The following AGMO variants were observed in gnomAD, a reference collection of about 807,000 sequenced individuals.
The protein encoded by AGMO is alkylglycerol monooxygenase.
AGMO carries 75 observed loss-of-function variants against 60.2 expected under a neutral mutation model. The ratio of observed to expected loss-of-function variants is 1.25; its 90% CI spans 1.03 to 1.51. The LOEUF is 1.51. Ranked by LOEUF, AGMO falls within the 40% of genes most tolerant of loss-of-function variation. The probability of loss-of-function intolerance (pLI) is 0.00; values close to 1 mark genes in which losing one functional copy is unlikely to be tolerated. For missense variants in AGMO, 763 were observed against 525.5 expected (o/e 1.45, Z -4.42); for synonymous variants, 261 against 177.1 (o/e 1.47, Z -3.76).
At chr7:15,450,170 C>T (rs1051489647) in intron 3 of AGMO, among the ~76,000 whole-genome samples, 1 of 152,100 alleles carries the variant, frequency 6.6e-6, no homozygotes, top group Admixed American at 6.5e-5. Flanking sequence ...CCTGTAATCC[C>T]AGTGCTTTGG....
At chr7:15,416,593 C>T (rs1780779329) in intron 5 of AGMO, among the ~76,000 whole-genome samples, 1 of 151,984 alleles carries the variant, frequency 6.6e-6, no homozygotes. Flanking sequence ...AGAAGTGAAA[C>T]AATTGTAAGA....
intron 12 of AGMO, among the ~76,000 whole-genome samples, chr7:15,337,518 T>C (rs1372967270): frequency 6.6e-6 from 1 of 152,050 alleles, no homozygotes; most frequent in Non-Finnish European, 1.5e-5. Flanking sequence ...TCTTCCCAGC[T>C]GAGAAAAGGA....
intron 5 of AGMO, among the ~76,000 whole-genome samples, chr7:15,404,685 A>C (rs1163116121): frequency 6.6e-6 from 1 of 151,834 alleles, no homozygotes; most frequent in Non-Finnish European, 1.5e-5. Flanking sequence ...TCCAATCCAC[A>C]GTCTTATGGT....
chr7:15,272,589 T>C (rs1783649333), intron 12 of AGMO, among the ~76,000 whole-genome samples: 1 of 152,152 alleles, frequency 6.6e-6, no homozygotes, highest in South Asian at 2.1e-4. Context: ...ACAATAAATG[T>C]ATGTGTGCAT....
chr7:15,361,843 T>C (rs914477290), intron 12 of AGMO, among the ~76,000 whole-genome samples: 3 of 152,098 alleles, frequency 2.0e-5, no homozygotes, highest in Non-Finnish European at 2.9e-5. Flanking sequence ...ACTTACTAAG[T>C]TTGACTTATA....
intron 12 of AGMO, among the ~76,000 whole-genome samples, chr7:15,250,018 G>A (rs1205424292): frequency 6.6e-6 from 1 of 152,158 alleles, no homozygotes; most frequent in African/African-American, 2.4e-5. Context: ...CCAGCTAGTA[G>A]ACAAGTGATT....
At position 15,353,250 on chromosome 7, in the gene AGMO, G is replaced by A. The variant is rs112871322; in HGVS notation, c.1263+12264C>T. The stretch of plus-strand genomic sequence containing the variant: ...TCCACGAATAAGTCATGTAATAATA[G>A]GACAGCCATGAAAAATGTAGAGATG... On this transcript the variant is annotated intron_variant, in intron 12 of 12. Coordinates refer to ENST00000342526, the MANE Select transcript of AGMO (RefSeq NM_001004320.2). 5.3e-5 allele frequency among the ~76,000 whole-genome samples: 8 copies of A among 152,248 alleles called. 1 individual carries two copies. Among genetic ancestry groups the A allele is most frequent in the African/African-American group, 1.9e-4 (8 of 41,538 alleles).
At chr7:15,419,879 C>T (rs572890572) in intron 4 of AGMO, among the ~76,000 whole-genome samples, 15 of 151,984 alleles carry the variant, frequency 9.9e-5, no homozygotes, top group African/African-American at 3.6e-4. Context: ...ACATAGTCAT[C>T]CTTTTTGTTC....
Position 15,398,405 on chromosome 7 carries a change from C to G in AGMO, c.610-4226G>C, listed in dbSNP as rs1031261804. On this transcript the variant is annotated intron_variant, in intron 5 of 12. Transcript: ENST00000342526. ...AAGCCAAGTACAACACAGTCAACCA[C>G]AGATAAATTTCCTGGTAGTGCCTAT... Among the ~76,000 whole-genome samples, 3 of 152,136 alleles carry G rather than the reference C, an allele frequency of 2.0e-5. 1 individual carries two copies. The South Asian group carries it at 6.2e-4, about 32-fold the overall frequency.
At chr7:15,444,237 T>C (rs1401093183) in intron 3 of AGMO, among the ~76,000 whole-genome samples, 1 of 152,198 alleles carries the variant, frequency 6.6e-6, no homozygotes, top group Non-Finnish European at 1.5e-5. Context: ...ATTTGCTAAA[T>C]ACATGTATTT....
chr7:15,312,537 C>T (rs1021267077), intron 12 of AGMO, among the ~76,000 whole-genome samples: 4 of 2,870 alleles, frequency 1.4e-3, no homozygotes, highest in East Asian at 0.015. Context: ...CAGTGCATGG[C>T]GGGGGCGGTG....
At chr7:15,209,342 AT>A in intron 12 of AGMO, among the ~76,000 whole-genome samples, 1 of 152,216 alleles carries the variant, frequency 6.6e-6, no homozygotes, top group East Asian at 1.9e-4. Context: ...TAAACAAATT[AT>A]TTGACTTTCT....
At chr7:15,255,534 C>CAAAAAAAAAAA (rs60035165) in intron 12 of AGMO, among the ~76,000 whole-genome samples, 11 of 115,768 alleles carry the variant, frequency 9.5e-5, no homozygotes, top group African/African-American at 2.9e-4. Flanking sequence ...TGTAAGAATA[C>CAAAAAAAAAAA]AAAAAAAAAA....
the AGMO span, among the ~76,000 whole-genome samples, chr7:15,146,432 A>T: frequency 6.6e-6 from 1 of 152,194 alleles, no homozygotes; most frequent in Non-Finnish European, 1.5e-5. Context: ...ACTAGGCTTA[A>T]ATATTGTGTA....
At chr7:15,390,026 C>A (rs1784074396) in intron 8 of AGMO, among the ~76,000 whole-genome samples, 1 of 152,076 alleles carries the variant, frequency 6.6e-6, no homozygotes, top group Non-Finnish European at 1.5e-5. Flanking sequence ...TTCAAGTATT[C>A]TTATCTTTTT....
chr7:15,504,057 T>C (rs1468437610), intron 3 of AGMO, among the ~76,000 whole-genome samples: 2 of 151,982 alleles, frequency 1.3e-5, no homozygotes, highest in East Asian at 3.9e-4. Flanking sequence ...CCTCTAGTCC[T>C]TTAAGGAGAA....
chr7:15,396,030 C>T lies in AGMO; in HGVS notation c.610-1851G>A, dbSNP rs542759251. The stretch of plus-strand genomic sequence containing the variant: ...TCATCATCATCATCTCCCTATTAAG[C>T]ACATTGTTTACCCACCTGAAAAGAG... On this transcript the variant is annotated intron_variant, in intron 5 of 12. Coordinates refer to ENST00000342526, the MANE Select transcript of AGMO (RefSeq NM_001004320.2). The T allele has an allele frequency of 1.1e-4, 16 of 152,336 alleles. No homozygotes were observed. In the East Asian group the frequency reaches 1.5e-3, roughly 15 times the overall value. 9.4% of individuals were successfully genotyped at this position (152,336 alleles called of 1,614,324 possible).
intron 3 of AGMO, among the ~76,000 whole-genome samples, chr7:15,445,450 T>C (rs1294102137): frequency 2.0e-5 from 3 of 152,282 alleles, no homozygotes; most frequent in East Asian, 1.9e-4. Context: ...GGTTAGAATA[T>C]CAAACTTGGA....
At chr7:15,198,240 A>AGG (rs1330313800), downstream of AGMO, among the ~76,000 whole-genome samples, 415 of 102,322 alleles carry the variant, frequency 4.1e-3, 3 homozygotes, top group Middle Eastern at 0.013. Flanking sequence ...AGAGAGAGAG[A>AGG]GAGAGAGAGA....
Sources: allele counts gnomAD v4.1 joint callset (sites outside exome capture counted in the v4.1 genomes callset), GRCh38; gene constraint gnomAD v4.1.1; transcripts MANE v1.5; gene names NCBI Gene and HGNC (gene_info 2026-07-23, HGNC 2026-07-21).